FIP1L1: variants seen among roughly 807,000 people sequenced by gnomAD.
The protein encoded by FIP1L1 is factor interacting with PAPOLA and CPSF1.
A neutral mutation model predicts 84.6 loss-of-function variants in FIP1L1; 21 were observed. The observed-to-expected ratio is 0.25, with a 90% CI of 0.18 to 0.36. The LOEUF (loss-of-function observed/expected upper bound fraction) is 0.36. Ranked by LOEUF, FIP1L1 falls within the 10% of genes least tolerant of loss-of-function variation. The pLI, the probability that FIP1L1 is intolerant of heterozygous loss-of-function variation, is 1.00. For missense variants in FIP1L1, 526 were observed against 751.1 expected (o/e 0.70, Z 3.50); for synonymous variants, 263 against 242.3 (o/e 1.09, Z -0.80).
intron 11 of FIP1L1, among the ~76,000 whole-genome samples, chr4:53,415,376 T>C (rs1354447810): frequency 6.6e-6 from 1 of 152,166 alleles, no homozygotes; most frequent in Non-Finnish European, 1.5e-5. Flanking sequence ...GAGAAACAAC[T>C]ATGTTCCAAT....
intron 11 of FIP1L1, among the ~76,000 whole-genome samples, chr4:53,416,100 T>C (rs554564348): frequency 2.0e-5 from 3 of 152,318 alleles, no homozygotes; most frequent in African/African-American, 7.2e-5. Context: ...TAGAATGAAG[T>C]GTATGAGTCT....
rs1021195111 is a variant in FIP1L1, at chr4:53,377,702, C to A, written c.-137C>A. On this transcript the variant is annotated 5_prime_UTR_variant, in exon 1 of 18. The change creates a new upstream start codon in the 5' untranslated region. Coordinates refer to ENST00000337488, the MANE Select transcript of FIP1L1 (RefSeq NM_030917.4). Reference sequence around the variant, plus strand: ...CTTTGCCGCCGCTGCCGTCGCCTTCCTGGGATTGGAGTCTCGAGCTTTCTT... The same window carrying A: ...CTTTGCCGCCGCTGCCGTCGCCTTCATGGGATTGGAGTCTCGAGCTTTCTT... 10 of 745,352 alleles carry A rather than the reference C, an allele frequency of 1.3e-5. No individual in the cohort carries two copies. The highest frequency in any genetic ancestry group is 4.1e-6 in the Non-Finnish European group (2 of 490,652). 46.2% of individuals were successfully genotyped at this position (745,352 alleles called of 1,614,324 possible). A position where few individuals can be genotyped will look rare whatever the true frequency, so the allele number is the denominator to read the frequency against.
At chr4:53,419,539 CA>C (rs1444811250) in intron 11 of FIP1L1, among the ~76,000 whole-genome samples, 2 of 152,098 alleles carry the variant, frequency 1.3e-5, no homozygotes, top group African/African-American at 2.4e-5. Context: ...CTACCAGGCT[CA>C]AGCAGTCCTC....
At chr4:53,421,489 C>T (rs560939155) in intron 11 of FIP1L1, among the ~76,000 whole-genome samples, 28 of 152,302 alleles carry the variant, frequency 1.8e-4, no homozygotes, top group African/African-American at 6.7e-4. Context: ...TCTTTCCTAA[C>T]GTAGCTTAAA....
chr4:53,446,125 C>T (rs1417318364), intron 15 of FIP1L1, among the ~76,000 whole-genome samples: 1 of 152,066 alleles, frequency 6.6e-6, no homozygotes. Flanking sequence ...CTGCGCTTGC[C>T]ATTCATTCAC....
chr4:53,382,333 C>T lies in FIP1L1; in HGVS notation c.226C>T (p.Pro76Ser), dbSNP rs1738533741. The T allele has an allele frequency of 6.2e-7, 1 of 1,611,998 alleles. No individual in the cohort carries two copies. The highest frequency in any genetic ancestry group is 8.5e-7 in the Non-Finnish European group (1 of 1,178,292). Reference sequence around the variant, plus strand: ...AACTGCTGAAAATGGTGTACCAAAACCGGTAACATAAGGCTTTGAAATCCA... The same window carrying T: ...AACTGCTGAAAATGGTGTACCAAAATCGGTAACATAAGGCTTTGAAATCCA... The part of the protein sequence containing the change: ...DETAENGVPK[P>S]KVTETEDDSD... Residue 76 changes from proline to serine, a missense_variant and splice_region_variant, in exon 4 of 18, where the codon CCG becomes TCG. Physicochemically the swap from Pro to Ser is moderately conservative, Grantham distance 74. Around this residue, in one of 6 missense-constraint regions of FIP1L1, gnomAD observed 100 missense variants for 107.2 expected, o/e 0.93. Coordinates refer to ENST00000337488, the MANE Select transcript of FIP1L1 (RefSeq NM_030917.4).
intron 15 of FIP1L1, among the ~76,000 whole-genome samples, chr4:53,450,535 T>G (rs1352155822): frequency 2.0e-5 from 3 of 152,116 alleles, no homozygotes; most frequent in Non-Finnish European, 4.4e-5. Flanking sequence ...GTAGCTCAAG[T>G]CTTTATTTGC....
At chr4:53,398,925 G>A (rs989516563) in intron 9 of FIP1L1, among the ~76,000 whole-genome samples, 2 of 152,192 alleles carry the variant, frequency 1.3e-5, no homozygotes, top group African/African-American at 2.4e-5. Flanking sequence ...GCTGAGGTGG[G>A]CAGATCACTT....
At chr4:53,410,372 A>G (rs1171623755) in intron 10 of FIP1L1, among the ~76,000 whole-genome samples, 1 of 152,216 alleles carries the variant, frequency 6.6e-6, no homozygotes, top group African/African-American at 2.4e-5. Context: ...TAAGAGGATC[A>G]ACTTCGATGA....
intron 11 of FIP1L1, among the ~76,000 whole-genome samples, chr4:53,420,052 G>T (rs1761539495): frequency 6.6e-6 from 1 of 151,822 alleles, no homozygotes. Flanking sequence ...ATAAAAATTA[G>T]CCGGGCGCGG....
At chr4:53,415,529 G>GTTTT (rs770097857) in intron 11 of FIP1L1, among the ~76,000 whole-genome samples, 1 of 144,694 alleles carries the variant, frequency 6.9e-6, no homozygotes, top group East Asian at 2.0e-4. Flanking sequence ...TTTGTTTTTT[G>GTTTT]TTTTTTTTTT....
intron 10 of FIP1L1, among the ~76,000 whole-genome samples, chr4:53,405,284 G>T (rs1478971492): frequency 6.6e-6 from 1 of 151,996 alleles, no homozygotes; most frequent in Admixed American, 6.5e-5. Context: ...CCCATTGCTT[G>T]TTTTTCTCAG....
At chr4:53,408,257 T>G (rs1754923272) in intron 10 of FIP1L1, among the ~76,000 whole-genome samples, 1 of 152,208 alleles carries the variant, frequency 6.6e-6, no homozygotes, top group Admixed American at 6.5e-5. Flanking sequence ...CTTATGAAGC[T>G]TAATTTGGCT....
chr4:53,406,139 G>T (rs1385191134), intron 10 of FIP1L1, among the ~76,000 whole-genome samples: 2 of 152,182 alleles, frequency 1.3e-5, no homozygotes, highest in Non-Finnish European at 2.9e-5. Flanking sequence ...GATATTGGCT[G>T]TGGGTTTGTT....
At chr4:53,417,763 ACTCTCTCTCTCTCTCTCTCT>A (rs58568620) in intron 11 of FIP1L1, among the ~76,000 whole-genome samples, 14,434 of 105,380 alleles carry the variant, frequency 0.14, 1,290 homozygotes, top group Non-Finnish European at 0.15. Context: ...ACACACACAC[ACTCTCTCTCTCTCTCTCTCT>A]CTCTCTCTCT....
At chr4:53,412,477 G>A (rs553699550) in intron 10 of FIP1L1, among the ~76,000 whole-genome samples, 1 of 152,022 alleles carries the variant, frequency 6.6e-6, no homozygotes. Flanking sequence ...ATCTGGATCA[G>A]CTTCTTAGCT....
intron 11 of FIP1L1, among the ~76,000 whole-genome samples, chr4:53,417,783 T>A (rs879722230): frequency 0.21 from 14,382 of 69,556 alleles, 1,418 homozygotes; most frequent in African/African-American, 0.37. Context: ...TCTCTCTCTC[T>A]CTCTCTCTCT....
At chr4:53,399,877 T>C (rs1053047813) in intron 10 of FIP1L1, 38 bp downstream of exon 10, 4 of 1,303,928 alleles carry the variant, frequency 3.1e-6, no homozygotes, top group Middle Eastern at 1.8e-4. Context: ...CTGTACGACA[T>C]TGGTATCTTT....
At chr4:53,421,271 C>T (rs1275808174) in intron 11 of FIP1L1, among the ~76,000 whole-genome samples, 2 of 152,168 alleles carry the variant, frequency 1.3e-5, no homozygotes, top group African/African-American at 4.8e-5. Context: ...ATTTAATTTA[C>T]ATTTTCTGCC....
Sources: gnomAD v4.1 joint callset for allele counts (sites outside exome capture counted in the v4.1 genomes callset) on GRCh38, gnomAD v4.1.1 for gene constraint, gnomAD v4.1.1 regional missense constraint, MANE v1.5 for transcripts, NCBI Gene and HGNC (gene_info 2026-07-23, HGNC 2026-07-21) for gene names.